Variants in SH3GL2 observed in about 807,000 individuals in gnomAD.
SH3GL2 encodes endophilin-A1.
SH3GL2 carries 24 observed loss-of-function variants against 46.0 expected under a neutral mutation model. That is an observed-to-expected ratio of 0.52 (90% CI 0.38 to 0.73). The LOEUF (loss-of-function observed/expected upper bound fraction) is 0.73. Ranked by LOEUF, SH3GL2 falls within the 30% of genes least tolerant of loss-of-function variation. SH3GL2 has a pLI of 0.00. For missense variants in SH3GL2, 413 were observed against 424.2 expected, an observed-to-expected ratio of 0.97 and a Z score of 0.23; for synonymous variants, 196 against 147.1, an observed-to-expected ratio of 1.33 and a Z score of -2.40.
At chr9:17,721,102 C>T (rs1285143578) in intron 1 of SH3GL2, among the ~76,000 whole-genome samples, 2 of 152,024 alleles carry the variant, frequency 1.3e-5, no homozygotes, top group East Asian at 1.9e-4. Context: ...CTGCTTGGTC[C>T]TGAGTCTCTT....
At chr9:17,789,034 C>A (rs1824046177) in intron 5 of SH3GL2, among the ~76,000 whole-genome samples, 1 of 152,210 alleles carries the variant, frequency 6.6e-6, no homozygotes, top group Admixed American at 6.5e-5. Flanking sequence ...CCTGTGGGGC[C>A]TGTGAGTGTG....
chr9:17,754,470 G>A (rs145956042), intron 2 of SH3GL2, among the ~76,000 whole-genome samples: 6 of 151,956 alleles, frequency 3.9e-5, no homozygotes, highest in Non-Finnish European at 8.8e-5. Context: ...TCAGGAGATC[G>A]AGACCATCCT....
intron 1 of SH3GL2, among the ~76,000 whole-genome samples, chr9:17,616,315 G>A (rs1259201028): frequency 6.6e-6 from 1 of 152,210 alleles, no homozygotes; most frequent in Non-Finnish European, 1.5e-5. Flanking sequence ...CCATTTTCCA[G>A]AAGTTAGCAG....
At chr9:17,691,372 G>T (rs1821073221) in intron 1 of SH3GL2, among the ~76,000 whole-genome samples, 1 of 152,036 alleles carries the variant, frequency 6.6e-6, no homozygotes, top group South Asian at 2.1e-4. Context: ...TGTTTTGTGT[G>T]TCTCTTTTAA....
intron 1 of SH3GL2, among the ~76,000 whole-genome samples, chr9:17,715,193 TC>T (rs1821719630): frequency 6.6e-6 from 1 of 150,744 alleles, no homozygotes; most frequent in East Asian, 1.9e-4. Context: ...TTCTTTCTTT[TC>T]TTTTTTTTTT....
intron 1 of SH3GL2, among the ~76,000 whole-genome samples, chr9:17,704,198 C>A (rs1292808282): frequency 1.3e-5 from 2 of 151,862 alleles, no homozygotes; most frequent in South Asian, 4.1e-4. Flanking sequence ...ACAATAGCCA[C>A]AAAAAGAATA....
intron 1 of SH3GL2, among the ~76,000 whole-genome samples, chr9:17,735,194 T>C (rs367747329): frequency 6.6e-6 from 1 of 152,132 alleles, no homozygotes; most frequent in Admixed American, 6.6e-5. Context: ...CCTAGAATCC[T>C]GGTATTCACT....
At chr9:17,591,271 C>T (rs945703054) in intron 1 of SH3GL2, 8 of 151,986 alleles carry the variant, frequency 5.3e-5, no homozygotes, top group African/African-American at 1.7e-4. Context: ...GTGAGTTATA[C>T]TGATATTTTG....
chr9:17,610,755 C>T (rs754185097), intron 1 of SH3GL2, among the ~76,000 whole-genome samples: 155 of 151,906 alleles, frequency 1.0e-3, no homozygotes, highest in Non-Finnish European at 1.9e-3. Flanking sequence ...AAGCGAATAT[C>T]TTCTCCTATA....
At chr9:17,679,802 C>T (rs980746337) in intron 1 of SH3GL2, among the ~76,000 whole-genome samples, 2 of 152,146 alleles carry the variant, frequency 1.3e-5, no homozygotes, top group South Asian at 2.1e-4. Context: ...AGATATGTCC[C>T]ATCAATACCT....
At chr9:17,766,980 T>C (rs1823336277) in intron 3 of SH3GL2, among the ~76,000 whole-genome samples, 1 of 152,224 alleles carries the variant, frequency 6.6e-6, no homozygotes, top group Non-Finnish European at 1.5e-5. Flanking sequence ...GACACTTGAA[T>C]GGAATTGTAG....
At chr9:17,758,936 G>C (rs1196741939) in intron 2 of SH3GL2, among the ~76,000 whole-genome samples, 1 of 152,088 alleles carries the variant, frequency 6.6e-6, no homozygotes, top group African/African-American at 2.4e-5. Flanking sequence ...ATGGAGTCCT[G>C]CCCTGGGGAC....
chr9:17,658,006 C>T (rs1425847753), intron 1 of SH3GL2, among the ~76,000 whole-genome samples: 2 of 152,144 alleles, frequency 1.3e-5, no homozygotes, highest in South Asian at 2.1e-4. Context: ...AGATGAGCAT[C>T]CAGAACTGGA....
intron 1 of SH3GL2, among the ~76,000 whole-genome samples, chr9:17,647,039 C>T (rs112287380): frequency 0.02 from 2,987 of 152,240 alleles, 37 homozygotes; most frequent in Middle Eastern, 0.041. Context: ...AGCCCCTGAC[C>T]GGGGCTGTTG....
At position 17,761,363 on chromosome 9, in the gene SH3GL2, A is replaced by G. The variant is rs565185962; in HGVS notation, c.115-74A>G. On this transcript the variant is annotated intron_variant, in intron 2 of 8. Coordinates refer to ENST00000380607, the MANE Select transcript of SH3GL2 (RefSeq NM_003026.5). ...TCTGTTGCATACCCCGCCATTGTAT[A>G]CAGACTCAACCAAAAACCGGTATTC... is the stretch of plus-strand genomic sequence containing the variant. 9.4e-5 allele frequency: 88 copies of G among 934,702 alleles called. No homozygotes were observed. In the African/African-American group the frequency reaches 1.3e-3, roughly 14 times the overall value. The allele number at this position is 934,702 out of a possible 1,614,324, so 57.9% of individuals were successfully genotyped here.
chr9:17,756,603 G>T (rs1330186543), intron 2 of SH3GL2, among the ~76,000 whole-genome samples: 1 of 151,228 alleles, frequency 6.6e-6, no homozygotes, highest in Non-Finnish European at 1.5e-5. Context: ...GCAATAGTTT[G>T]CTGAGAATGA....
At chr9:17,734,513 C>T (rs1822270548) in intron 1 of SH3GL2, among the ~76,000 whole-genome samples, 1 of 152,096 alleles carries the variant, frequency 6.6e-6, no homozygotes, top group Admixed American at 6.6e-5. Flanking sequence ...AGAGGTAAGA[C>T]ATTTTGCCCA....
chr9:17,677,988 A>T lies in SH3GL2; in HGVS notation c.46-69078A>T, dbSNP rs942259805. Among the ~76,000 whole-genome samples, 45 of 152,174 alleles carry T rather than the reference A, an allele frequency of 3.0e-4. 1 individual carries two copies. The highest frequency in any genetic ancestry group is 1.1e-3 in the African/African-American group (44 of 41,440). ...ATTTTTTATGGCTGCATAGTATTCCATGGTGTGTACGTGCCACATTTTCTT... is the reference window on the plus strand; with the variant it reads ...ATTTTTTATGGCTGCATAGTATTCCTTGGTGTGTACGTGCCACATTTTCTT... On this transcript the variant is annotated intron_variant, in intron 1 of 8. Coordinates refer to ENST00000380607, the MANE Select transcript of SH3GL2 (RefSeq NM_003026.5).
chr9:17,795,469 C>T, intron 8 of SH3GL2, 75 bp from the exon 9 acceptor site: 4 of 1,179,736 alleles, frequency 3.4e-6, no homozygotes, highest in Non-Finnish European at 4.9e-6. Flanking sequence ...GTGGGTACAG[C>T]AGGCAGCAGA....
Sources: gnomAD v4.1 joint callset for allele counts (sites outside exome capture counted in the v4.1 genomes callset) on GRCh38, gnomAD v4.1.1 for gene constraint, MANE v1.5 for transcripts, NCBI Gene and HGNC (gene_info 2026-07-23, HGNC 2026-07-21) for gene names.